Variants in NEXMIF observed in about 807,000 individuals in gnomAD.
The protein encoded by NEXMIF is XLMR protein related to neurite extension.
A neutral mutation model predicts 62.1 loss-of-function variants in NEXMIF; 8 were observed. That is an observed-to-expected ratio of 0.13 (90% CI 0.08 to 0.23). The LOEUF is 0.23. Among genes scored for constraint, NEXMIF ranks in the 10% least tolerant of loss-of-function variants. NEXMIF has a pLI of 1.00. For missense variants in NEXMIF, 976 were observed against 1,113.3 expected, an observed-to-expected ratio of 0.88 and a Z score of 1.75; for synonymous variants, 404 against 416.6, an observed-to-expected ratio of 0.97 and a Z score of 0.37.
chrX:74,904,701 T>C lies in NEXMIF; in HGVS notation c.-48+20182A>G, dbSNP rs779767850. Among the ~76,000 whole-genome samples, 10 of 111,296 alleles carry C rather than the reference T, an allele frequency of 9.0e-5. No individual in the cohort carries two copies. In the South Asian group the frequency reaches 3.5e-3, roughly 38 times the overall value. On this transcript the variant is annotated intron_variant, in intron 1 of 3. Transcript: ENST00000055682. ...ATTGCAGTTCTAGGTTTCCTTTCCC[T>C]CTCTCCCTCTCTCTCTCTCCCCACC... is the stretch of plus-strand genomic sequence containing the variant.
At chrX:74,767,349 G>T in intron 1 of NEXMIF, among the ~76,000 whole-genome samples, 2 of 113,071 alleles carry the variant, frequency 1.8e-5, no homozygotes, top group Middle Eastern at 4.6e-3. Flanking sequence ...AGTGAAGGCT[G>T]TGAAACAGCA....
chrX:74,839,993 G>A (rs1013366403), intron 1 of NEXMIF, among the ~76,000 whole-genome samples: 11 of 111,724 alleles, frequency 9.8e-5, no homozygotes, highest in African/African-American at 3.3e-4. Flanking sequence ...TCACCATACT[G>A]CTTTCCACAA....
At chrX:74,763,469 T>G (rs764101553) in intron 1 of NEXMIF, among the ~76,000 whole-genome samples, 4 of 112,131 alleles carry the variant, frequency 3.6e-5, no homozygotes, top group African/African-American at 1.3e-4. Flanking sequence ...TGGCTCCATA[T>G]GAACTTTAAA....
intron 1 of NEXMIF, among the ~76,000 whole-genome samples, chrX:74,848,937 C>T (rs1223492197): frequency 1.8e-5 from 2 of 111,885 alleles, no homozygotes; most frequent in East Asian, 2.8e-4. Flanking sequence ...CACCAGACAC[C>T]GAATCTACTG....
At position 74,740,346 on chromosome X, in the gene NEXMIF, T is replaced by C; in HGVS notation, c.4211A>G (p.Lys1404Arg). ...ACGACCAGGATCACCTATTGCTGTT[T>C]TCCCATTGCTTTTGCTCACACCCTT... ...SIKGVSKSNG[K>R]TAIGDPGRAN... The change falls in exon 3 of 4, where the codon AAA (lysine) becomes AGA (arginine). Residue 1404 changes from lysine (K) to arginine (R), a missense_variant. Coordinates refer to ENST00000055682, the MANE Select transcript of NEXMIF (RefSeq NM_001008537.3). 8.3e-7 allele frequency: 1 copy of C among 1,211,934 alleles called. No homozygotes were observed. The highest frequency in any genetic ancestry group is 1.1e-6 in the Non-Finnish European group (1 of 895,557).
intron 1 of NEXMIF, among the ~76,000 whole-genome samples, chrX:74,797,301 G>T (rs1490878104): frequency 4.5e-5 from 5 of 111,949 alleles, no homozygotes; most frequent in South Asian, 3.7e-4. Context: ...AAAAACTGGT[G>T]AAATCTGAAT....
intron 1 of NEXMIF, among the ~76,000 whole-genome samples, chrX:74,760,592 C>T (rs1840362882): frequency 9.0e-6 from 1 of 111,454 alleles, no homozygotes; most frequent in South Asian, 3.7e-4. Flanking sequence ...GAATTTTTAA[C>T]ATGAAGAGAT....
In NEXMIF at chrX:74,790,743, G is replaced by A. The variant is rs745593853; in HGVS notation, c.-47-45046C>T. On this transcript the variant is annotated intron_variant, in intron 1 of 3. Transcript: ENST00000055682. ...ATTTTATTCTCTTTGAAGCAATTGC[G>A]AATGGGAGTTCACTCCTGATTTGGC... Among the ~76,000 whole-genome samples, 5 of 113,447 alleles carry A rather than the reference G, an allele frequency of 4.4e-5. No homozygotes were observed. The South Asian group carries it at 1.1e-3, about 24-fold the overall frequency.
At chrX:74,897,966 T>A (rs1443156742) in intron 1 of NEXMIF, among the ~76,000 whole-genome samples, 1 of 111,776 alleles carries the variant, frequency 8.9e-6, no homozygotes, top group Non-Finnish European at 1.9e-5. Context: ...CATACTTATA[T>A]AAATAAATGA....
intron 1 of NEXMIF, among the ~76,000 whole-genome samples, chrX:74,759,831 C>G (rs1234797239): frequency 8.9e-6 from 1 of 111,853 alleles, no homozygotes; most frequent in Non-Finnish European, 1.9e-5. Flanking sequence ...TTGGTGCCTC[C>G]AGCTTTGCTC....
At chrX:74,798,667 G>C (rs1173848175) in intron 1 of NEXMIF, among the ~76,000 whole-genome samples, 1 of 111,905 alleles carries the variant, frequency 8.9e-6, no homozygotes, top group East Asian at 2.8e-4. Context: ...ATAGAGTATA[G>C]GCCTTTTATT....
At chrX:74,867,828 AT>A (rs772506786) in intron 1 of NEXMIF, among the ~76,000 whole-genome samples, 12 of 112,369 alleles carry the variant, frequency 1.1e-4, no homozygotes, top group Admixed American at 2.8e-4. Flanking sequence ...AAAATAAACT[AT>A]CATCAGAGTG....
intron 1 of NEXMIF, among the ~76,000 whole-genome samples, chrX:74,918,607 T>TTCGGGTCACCCCCTGCCA (rs1192659985): frequency 8.9e-6 from 1 of 111,971 alleles, no homozygotes; most frequent in Non-Finnish European, 1.9e-5. Context: ...GATTTCACTT[T>TTCGGGTCACCCCCTGCCA]TCGGGTCACC....
chrX:74,831,886 T>C (rs1268190221), intron 1 of NEXMIF, among the ~76,000 whole-genome samples: 1 of 112,288 alleles, frequency 8.9e-6, no homozygotes, highest in Non-Finnish European at 1.9e-5. Flanking sequence ...ACGGTTTTTG[T>C]GCTACACTCC....
chrX:74,832,054 A>G (rs1254608869), intron 1 of NEXMIF, among the ~76,000 whole-genome samples: 1 of 111,942 alleles, frequency 8.9e-6, no homozygotes, highest in African/African-American at 3.2e-5. Context: ...TTCATCAGAG[A>G]TATTGGCCTG....
chrX:74,747,479 G>C (rs970545750), intron 1 of NEXMIF, among the ~76,000 whole-genome samples: 2 of 111,379 alleles, frequency 1.8e-5, no homozygotes, highest in African/African-American at 6.5e-5. Flanking sequence ...AACAGGGCTA[G>C]ACAAATACAA....
intron 1 of NEXMIF, among the ~76,000 whole-genome samples, chrX:74,805,136 G>A (rs2080341174): frequency 8.9e-6 from 1 of 112,098 alleles, no homozygotes; most frequent in Non-Finnish European, 1.9e-5. Context: ...GGTCATATCT[G>A]CAATTCAAGA....
chrX:74,872,524 C>T (rs761963610), intron 1 of NEXMIF, among the ~76,000 whole-genome samples: 4 of 109,219 alleles, frequency 3.7e-5, no homozygotes, highest in East Asian at 2.9e-4. Flanking sequence ...TTTGCTAGCA[C>T]ATCAGACTGA....
Position 74,740,220 on chromosome X carries a change from T to C in NEXMIF, c.4337A>G (p.Lys1446Arg), listed in dbSNP as rs771736722. The C allele has an allele frequency of 1.7e-6, 2 of 1,211,483 alleles. No homozygotes were observed. The highest frequency in any genetic ancestry group is 2.2e-5 in the Admixed American group (1 of 45,983). ...GGAGCTGGATTTGTGACGATACAAC[T>C]TTTTGTGTGTCGGTCCGTTATTGCC... ...TLGNNGPTHK[K>R]LYRHKSSSKA... Residue 1446 changes from lysine to arginine, a missense_variant, in exon 3 of 4, where the codon AAG becomes AGG. By Grantham distance (26) the Lys-to-Arg change is conservative. Transcript: ENST00000055682.
Sources: allele counts gnomAD v4.1 joint callset (sites outside exome capture counted in the v4.1 genomes callset), GRCh38; gene constraint gnomAD v4.1.1; transcripts MANE v1.5; gene names NCBI Gene and HGNC (gene_info 2026-07-23, HGNC 2026-07-21).